The following EXOC6B variants were observed in gnomAD, a reference collection of about 807,000 sequenced individuals.
EXOC6B encodes SEC15 homolog B.
Under a neutral mutation model 113.5 loss-of-function variants are expected in EXOC6B, and 54 were observed. The observed-to-expected ratio is 0.48, with a 90% CI of 0.38 to 0.60. EXOC6B has a LOEUF of 0.60. EXOC6B is among the 20% of genes least tolerant of loss of function. The pLI is 0.00. For synonymous variants in EXOC6B, 357 were observed against 339.0 expected, an observed-to-expected ratio of 1.05 and a Z score of -0.58; for missense variants, 797 against 977.5, an observed-to-expected ratio of 0.82 and a Z score of 2.46.
intron 1 of EXOC6B, among the ~76,000 whole-genome samples, chr2:72,792,088 CAGTAGACCTTTCTCA>C (rs2105039221): frequency 6.6e-6 from 1 of 152,336 alleles, no homozygotes; most frequent in South Asian, 2.1e-4. Context: ...CAATGTTCTT[CAGTAGACCTTTCTCA>C]AGATACATCT....
chr2:72,385,387 C>A (rs532574973), intron 18 of EXOC6B, among the ~76,000 whole-genome samples: 1 of 150,416 alleles, frequency 6.6e-6, no homozygotes, highest in African/African-American at 2.4e-5. Context: ...AACATAAGAC[C>A]TGAAACTATG....
intron 8 of EXOC6B, among the ~76,000 whole-genome samples, chr2:72,544,788 G>T (rs1702807050): frequency 6.6e-6 from 1 of 152,076 alleles, no homozygotes; most frequent in Non-Finnish European, 1.5e-5. Context: ...GGCAATGCTA[G>T]ACTTCTAAAT....
At chr2:72,189,902 A>T (rs545337598) in intron 20 of EXOC6B, among the ~76,000 whole-genome samples, 5 of 115,738 alleles carry the variant, frequency 4.3e-5, no homozygotes, top group African/African-American at 1.5e-4. Context: ...TCGCTCTGTC[A>T]TCCAGGCTGT....
At position 72,291,866 on chromosome 2, in the gene EXOC6B, A is replaced by T. The variant is rs191792783; in HGVS notation, c.2196+43081T>A. Among the ~76,000 whole-genome samples, 59 of 152,338 alleles carry T rather than the reference A, an allele frequency of 3.9e-4. 2 individuals carry two copies. The highest frequency in any genetic ancestry group is 3.4e-3 in the Middle Eastern group (1 of 294). On this transcript the variant is annotated intron_variant, in intron 20 of 21. Coordinates refer to ENST00000272427, the MANE Select transcript of EXOC6B (RefSeq NM_015189.3). ...TTGAAATATTCATAAAAATTTAAAGAAAAAGTTAAAACGCTTAACAGTGCA... is the reference window on the plus strand; with the variant it reads ...TTGAAATATTCATAAAAATTTAAAGTAAAAGTTAAAACGCTTAACAGTGCA...
chr2:72,534,438 G>C (rs1472874173), intron 8 of EXOC6B, among the ~76,000 whole-genome samples: 2 of 151,900 alleles, frequency 1.3e-5, no homozygotes, highest in Non-Finnish European at 2.9e-5. Flanking sequence ...CTATGTTTCA[G>C]GTTTAAAAGG....
At chr2:72,479,435 A>G (rs1210434328) in intron 17 of EXOC6B, among the ~76,000 whole-genome samples, 1 of 152,174 alleles carries the variant, frequency 6.6e-6, no homozygotes, top group Non-Finnish European at 1.5e-5. Flanking sequence ...AAATAGAGAA[A>G]GAGGTTAAGA....
chr2:72,797,576 G>T (rs185236129), intron 1 of EXOC6B, among the ~76,000 whole-genome samples: 56 of 152,312 alleles, frequency 3.7e-4, no homozygotes, highest in Middle Eastern at 6.8e-3. Flanking sequence ...CACTTTGGGA[G>T]GCCAAGGTGG....
At chr2:72,210,022 G>T (rs1340906532) in intron 20 of EXOC6B, among the ~76,000 whole-genome samples, 1 of 152,114 alleles carries the variant, frequency 6.6e-6, no homozygotes, top group African/African-American at 2.4e-5. Flanking sequence ...TTTTAAAAAA[G>T]AATTATAAAT....
intron 8 of EXOC6B, among the ~76,000 whole-genome samples, chr2:72,532,253 T>G (rs1702045972): frequency 6.6e-6 from 1 of 152,060 alleles, no homozygotes; most frequent in Non-Finnish European, 1.5e-5. Context: ...ACTAGAAAAA[T>G]GTCCACAGTG....
At chr2:72,327,252 G>A (rs1268893736) in intron 20 of EXOC6B, among the ~76,000 whole-genome samples, 1 of 151,900 alleles carries the variant, frequency 6.6e-6, no homozygotes, top group Non-Finnish European at 1.5e-5. Flanking sequence ...CTACTAAGTG[G>A]GTGTGCTTGC....
At chr2:72,392,522 T>C (rs998523362) in intron 18 of EXOC6B, among the ~76,000 whole-genome samples, 1 of 152,260 alleles carries the variant, frequency 6.6e-6, no homozygotes, top group African/African-American at 2.4e-5. Context: ...TAATCATAGC[T>C]ATTTTGAAGT....
chr2:72,463,488 C>T (rs561479171), intron 18 of EXOC6B: 24 of 152,092 alleles, frequency 1.6e-4, no homozygotes, highest in African/African-American at 4.1e-4. Context: ...ATTTGAGGAA[C>T]GTAGACAAGG....
At chr2:72,227,468 C>T (rs1285167262) in intron 20 of EXOC6B, among the ~76,000 whole-genome samples, 1 of 152,060 alleles carries the variant, frequency 6.6e-6, no homozygotes, top group East Asian at 1.9e-4. Context: ...AAAGTGAAAA[C>T]TGAAACTATT....
At chr2:72,632,352 A>C (rs770584861) in intron 6 of EXOC6B, among the ~76,000 whole-genome samples, 5 of 152,196 alleles carry the variant, frequency 3.3e-5, no homozygotes, top group Non-Finnish European at 7.4e-5. Context: ...TAAAAATGTA[A>C]ATGTAAAATA....
intron 6 of EXOC6B, among the ~76,000 whole-genome samples, chr2:72,693,644 T>C (rs1212703352): frequency 6.6e-6 from 1 of 152,200 alleles, no homozygotes; most frequent in Non-Finnish European, 1.5e-5. Context: ...ATGAGATACA[T>C]CAAGGTTTGG....
At chr2:72,763,156 A>G (rs1031222878) in intron 1 of EXOC6B, among the ~76,000 whole-genome samples, 1 of 152,194 alleles carries the variant, frequency 6.6e-6, no homozygotes, top group African/African-American at 2.4e-5. Flanking sequence ...AGATAAGACA[A>G]ACAAAAAACA....
At chr2:72,559,687 T>C (rs1163891020) in intron 7 of EXOC6B, among the ~76,000 whole-genome samples, 166 bp from the exon 8 acceptor site, 1 of 152,206 alleles carries the variant, frequency 6.6e-6, no homozygotes. Flanking sequence ...ACCTAGTTCT[T>C]ATGTTTTAGC....
rs1356654478 is a variant in EXOC6B, at chr2:72,177,743, C to G, written c.*1592G>C. 6.6e-6 allele frequency: 1 copy of G among 152,172 alleles called. No homozygotes were observed. The highest frequency in any genetic ancestry group is 1.5e-5 in the Non-Finnish European group (1 of 68,034). 9.4% of individuals were successfully genotyped at this position (152,172 alleles called of 1,614,324 possible). ...GGAGGGGCAAGGAAGTACTTCCCTCCCCAGAAGCAACTCAGTAGCTGACAA... is the reference window on the plus strand; with the variant it reads ...GGAGGGGCAAGGAAGTACTTCCCTCGCCAGAAGCAACTCAGTAGCTGACAA... On this transcript the variant is annotated 3_prime_UTR_variant, in exon 22 of 22. Transcript: ENST00000272427.
At chr2:72,502,213 T>G (rs1464833522) in intron 11 of EXOC6B, among the ~76,000 whole-genome samples, 3 of 152,262 alleles carry the variant, frequency 2.0e-5, no homozygotes, top group Non-Finnish European at 4.4e-5. Flanking sequence ...ATTTTGGATT[T>G]TGTTTTTATT....
Sources: gnomAD v4.1 joint callset for allele counts (sites outside exome capture counted in the v4.1 genomes callset) on GRCh38, gnomAD v4.1.1 for gene constraint, MANE v1.5 for transcripts, NCBI Gene and HGNC (gene_info 2026-07-23, HGNC 2026-07-21) for gene names.